Variants in CMC2 observed in about 807,000 individuals in gnomAD.
CMC2 encodes C-X9-C motif containing 2.
Under a neutral mutation model 7.5 loss-of-function variants are expected in CMC2, and 5 were observed. That is an observed-to-expected ratio of 0.66 (90% CI 0.35 to 1.40). CMC2 has a LOEUF of 1.40. Ranked by LOEUF, CMC2 falls within the 40% of genes most tolerant of loss-of-function variation. CMC2 has a pLI of 0.04. For missense variants in CMC2, 115 were observed against 92.3 expected (o/e 1.25, Z -1.01); for synonymous variants, 37 against 31.4 (o/e 1.18, Z -0.60).
rs12918594 is a variant in CMC2, at chr16:80,969,551, T to C, written c.*6542A>G. The C allele has an allele frequency of 0.18, 26,888 of 152,082 alleles. 2,826 individuals carry two copies. Among genetic ancestry groups the C allele is most frequent in the African/African-American group, 0.3 (12,536 of 41,414 alleles). The allele number at this position is 152,082 out of a possible 1,614,324, so 9.4% of individuals were successfully genotyped here. A position where few individuals can be genotyped will look rare whatever the true frequency, so the allele number is the denominator to read the frequency against. The stretch of plus-strand genomic sequence containing the variant: ...ACAAGACTCCAAAGTGAGGAGGAAC[T>C]GCAGGGAGCAGAAAAAAAATTGAAC... On this transcript the variant is annotated 3_prime_UTR_variant, in exon 4 of 4. Coordinates refer to ENST00000219400, the MANE Select transcript of CMC2 (RefSeq NM_020188.5).
chr16:80,999,350 C>T (rs1044026933), intron 1 of CMC2, among the ~76,000 whole-genome samples: 2 of 152,172 alleles, frequency 1.3e-5, no homozygotes, highest in Non-Finnish European at 2.9e-5. Flanking sequence ...AGGAATACAT[C>T]CAACCAAGGA....
intron 2 of CMC2, chr16:80,988,567 C>A (rs116262203): frequency 7.1e-6 from 5 of 701,238 alleles, no homozygotes; most frequent in South Asian, 3.0e-5. Context: ...TCTTCTGAAC[C>A]GAGTAAGTTG....
At chr16:80,978,408 G>T in intron 3 of CMC2, 1 of 1,254,258 alleles carries the variant, frequency 8.0e-7, no homozygotes, top group Non-Finnish European at 1.0e-6. Flanking sequence ...AGGAAGTCCA[G>T]ATGGTCCCTG....
rs1018971632 is a variant in CMC2 at position 80,973,255 on chromosome 16, T to G, written c.*2838A>C. ...CCTGGCCCTTCCTTCTGCCTCATAT[T>G]AAGCCCCTCACCCCTTTACCCCCTG... On this transcript the variant is annotated 3_prime_UTR_variant, in exon 4 of 4. Transcript: ENST00000219400. 1.3e-5 allele frequency: 2 copies of G among 152,218 alleles called. No homozygotes were observed. Among genetic ancestry groups the G allele is most frequent in the Non-Finnish European group, 2.9e-5 (2 of 68,080 alleles). The allele number at this position is 152,218 out of a possible 1,614,324, so 9.4% of individuals were successfully genotyped here.
At chr16:80,987,988 C>T (rs537943250) in intron 2 of CMC2, among the ~76,000 whole-genome samples, 6 of 149,682 alleles carry the variant, frequency 4.0e-5, no homozygotes, top group Non-Finnish European at 5.9e-5. Context: ...TGAGCCTGGG[C>T]AACACAGGAG....
rs1368386772 is a variant in CMC2 at position 80,970,945 on chromosome 16, T to G, written c.*5148A>C. 6.6e-6 allele frequency: 1 copy of G among 152,118 alleles called. No homozygotes were observed. Among genetic ancestry groups the G allele is most frequent in the Non-Finnish European group, 1.5e-5 (1 of 68,018 alleles). 9.4% of individuals were successfully genotyped at this position (152,118 alleles called of 1,614,324 possible). A position where few individuals can be genotyped will look rare whatever the true frequency, so the allele number is the denominator to read the frequency against. On this transcript the variant is annotated 3_prime_UTR_variant, in exon 4 of 4. Transcript: ENST00000219400. The stretch of plus-strand genomic sequence containing the variant: ...TTAAAAATCATAAAATTTTCCAGCC[T>G]GGACATGGTGAAACCCTATCTCTAC...
Position 80,976,107 on chromosome 16 carries a change from C to A in CMC2, c.226G>T (p.Glu76Ter), listed in dbSNP as rs563542917. 34 of 1,600,650 alleles carry A rather than the reference C, an allele frequency of 2.1e-5. No individual in the cohort carries two copies. Among genetic ancestry groups the A allele is most frequent in the Non-Finnish European group, 2.9e-5 (34 of 1,168,132 alleles). The change falls in exon 4 of 4, where the codon GAA becomes TAA. Residue 76 changes from glutamate (E) to a stop codon, truncating the protein, a stop_gained. Coordinates refer to ENST00000219400, the MANE Select transcript of CMC2 (RefSeq NM_020188.5). LOFTEE classifies it high-confidence loss of function. Reference protein sequence around the residue: ...MRKKLFNPPEESEK With the variant: ...MRKKLFNPPE ...GAAAATACAATTTATTTTTCGGATT[C>A]CTCTGGAGGATTAAAAAGTTTCTTT...
Position 80,967,644 on chromosome 16 carries a change from C to T in CMC2, c.*8449G>A, listed in dbSNP as rs908329836. 1.3e-5 allele frequency: 2 copies of T among 152,196 alleles called. No individual in the cohort carries two copies. The highest frequency in any genetic ancestry group is 6.5e-5 in the Admixed American group (1 of 15,272). The allele number at this position is 152,196 out of a possible 1,614,324, so 9.4% of individuals were successfully genotyped here. ...GTGAGCCACCTCGCCCAGCCTTCCT[C>T]GTACTTTTCAATATTTGTAGCAAGT... On this transcript the variant is annotated 3_prime_UTR_variant, in exon 4 of 4. Coordinates refer to ENST00000219400, the MANE Select transcript of CMC2 (RefSeq NM_020188.5).
intron 2 of CMC2, among the ~76,000 whole-genome samples, chr16:80,984,627 C>T (rs142039906): frequency 1.3e-5 from 2 of 151,954 alleles, no homozygotes; most frequent in Non-Finnish European, 2.9e-5. Context: ...TAAATATTTC[C>T]TGTGTATTTT....
intron 1 of CMC2, chr16:80,998,432 T>C (rs372019844): frequency 6.6e-6 from 1 of 152,096 alleles, no homozygotes; most frequent in East Asian, 1.9e-4. Flanking sequence ...TGGGCGGGCA[T>C]GTAAACTGGG....
rs1437129099 is a variant in CMC2, at chr16:80,966,885, G to A, written c.*9208C>T. The A allele has an allele frequency of 6.8e-6, 1 of 146,178 alleles. No individual in the cohort carries two copies. Among genetic ancestry groups the A allele is most frequent in the African/African-American group, 2.7e-5 (1 of 37,182 alleles). The allele number at this position is 146,178 out of a possible 1,614,324, so 9.1% of individuals were successfully genotyped here. ...ATTCATGGTATACCTTTGTGTAAAT[G>A]CATCATTGTTTATTTAACTACTGTC... On this transcript the variant is annotated 3_prime_UTR_variant, in exon 4 of 4. Coordinates refer to ENST00000219400, the MANE Select transcript of CMC2 (RefSeq NM_020188.5).
rs776452953 is a variant in CMC2 at position 80,997,384 on chromosome 16, T to C, written c.11A>G (p.Asp4Gly). 15 of 1,612,430 alleles carry C rather than the reference T, an allele frequency of 9.3e-6. No homozygotes were observed. Among genetic ancestry groups the C allele is most frequent in the Non-Finnish European group, 1.2e-5 (14 of 1,178,556 alleles). ...TTCAGTGTGCAAGTGTGGAGATAAG[T>C]CAGGATGCATCTTTAGGAGATGAGG... is the stretch of plus-strand genomic sequence containing the variant. MHP[D>G]LSPHLHTEEC... Residue 4 changes from aspartate to glycine, a missense_variant, in exon 2 of 4, where the codon GAC becomes GGC. Transcript: ENST00000219400.
intron 1 of CMC2, among the ~76,000 whole-genome samples, chr16:81,000,803 C>G (rs1025972123): frequency 6.6e-6 from 1 of 152,214 alleles, no homozygotes; most frequent in Non-Finnish European, 1.5e-5. Context: ...TCTCAAAGAG[C>G]TTAAAACAGC....
intron 3 of CMC2, among the ~76,000 whole-genome samples, chr16:80,976,823 T>G (rs185029594): frequency 9.3e-4 from 141 of 152,330 alleles, no homozygotes; most frequent in Admixed American, 4.1e-3. Context: ...GATAACCCAC[T>G]TACTACCTTT....
Position 80,993,176 on chromosome 16 carries a change from T to C in CMC2, c.81+4138A>G, listed in dbSNP as rs80035807. On this transcript the variant is annotated intron_variant, in intron 2 of 3. Transcript: ENST00000219400. ...AAAATCTATTTTCCAGACTTCTGCT[T>C]CTAGCCATGAAAGAACAAACTGAAT... is the stretch of plus-strand genomic sequence containing the variant. Among the ~76,000 whole-genome samples, 517 of 152,346 alleles carry C rather than the reference T, an allele frequency of 3.4e-3. 4 individuals carry two copies. Among genetic ancestry groups the C allele is most frequent in the African/African-American group, 0.012 (483 of 41,578 alleles).
intron 1 of CMC2, among the ~76,000 whole-genome samples, chr16:80,999,527 CTA>C (rs1968693511): frequency 6.6e-6 from 1 of 151,576 alleles, no homozygotes; most frequent in Non-Finnish European, 1.5e-5. Context: ...TCCTATCAAA[CTA>C]CCAATGGCAT....
At chr16:80,996,433 C>A (rs79544457) in intron 2 of CMC2, among the ~76,000 whole-genome samples, 2,794 of 152,226 alleles carry the variant, frequency 0.018, 85 homozygotes, top group African/African-American at 0.064. Flanking sequence ...CTTTAAAAAT[C>A]AAAACGTTAT....
chr16:80,999,725 T>C (rs980038842), intron 1 of CMC2, among the ~76,000 whole-genome samples: 1 of 152,152 alleles, frequency 6.6e-6, no homozygotes, highest in Non-Finnish European at 1.5e-5. Flanking sequence ...CATGGACCAA[T>C]GGAACATAAC....
chr16:80,969,106 A>T lies in CMC2; in HGVS notation c.*6987T>A, dbSNP rs1911746339. The T allele has an allele frequency of 1.3e-5, 2 of 152,166 alleles. No individual in the cohort carries two copies. The highest frequency in any genetic ancestry group is 1.3e-4 in the Admixed American group (2 of 15,272). 9.4% of individuals were successfully genotyped at this position (152,166 alleles called of 1,614,324 possible). A position where few individuals can be genotyped will look rare whatever the true frequency, so the allele number is the denominator to read the frequency against. On this transcript the variant is annotated 3_prime_UTR_variant, in exon 4 of 4. Coordinates refer to ENST00000219400, the MANE Select transcript of CMC2 (RefSeq NM_020188.5). ...TGTGTGTCAGAAAGTTACTGGTGGG[A>T]AATTCTGGAAAGATAGTTGTGACTG...
Sources: gnomAD v4.1 joint callset for allele counts (sites outside exome capture counted in the v4.1 genomes callset) on GRCh38, gnomAD v4.1.1 for gene constraint, MANE v1.5 for transcripts, NCBI Gene and HGNC (gene_info 2026-07-23, HGNC 2026-07-21) for gene names.